The following HP1BP3 variants were observed in gnomAD, a reference collection of about 807,000 sequenced individuals.
HP1BP3 encodes heterochromatin protein 1 binding protein 3, also known as heterochromatin protein 1-binding protein 3.
A neutral mutation model predicts 62.5 loss-of-function variants in HP1BP3; 12 were observed. The observed-to-expected ratio is 0.19, with a 90% confidence interval of 0.12 to 0.31. HP1BP3 has a LOEUF of 0.31. HP1BP3 is among the 10% of genes least tolerant of loss of function. The pLI, the probability that HP1BP3 is intolerant of heterozygous loss-of-function variation, is 1.00. For missense variants in HP1BP3, 502 were observed against 651.8 expected, an observed-to-expected ratio of 0.77 and a Z score of 2.50; for synonymous variants, 260 against 237.8, an observed-to-expected ratio of 1.09 and a Z score of -0.86.
Position 20,744,963 on chromosome 1 carries a change from G to A in HP1BP3, c.1496C>T (p.Pro499Leu), listed in dbSNP as rs142759538. Reference protein sequence around the residue: ...GKARPLPKKAPPKAKTPAKKT... With the variant: ...GKARPLPKKALPKAKTPAKKT... ...CTTGGCAGGCGTTTTGGCCTTAGGA[G>A]GTGCTTTCTTAGGCAAGGGCCTAGC... Residue 499 changes from proline (P) to leucine (L), a missense_variant, in exon 13 of 13, where the codon CCT becomes CTT. By Grantham distance (98) the Pro-to-Leu change is moderately conservative. Transcript: ENST00000438032. 8.1e-6 allele frequency: 13 copies of A among 1,614,048 alleles called. No homozygotes were observed. Among genetic ancestry groups the A allele is most frequent in the East Asian group, 4.5e-5 (2 of 44,888 alleles).
chr1:20,748,360 T>C (rs1004073499), intron 10 of HP1BP3, among the ~76,000 whole-genome samples: 5 of 152,222 alleles, frequency 3.3e-5, no homozygotes, highest in Admixed American at 2.6e-4. Flanking sequence ...CCAAAATATA[T>C]TTTATGGTGA....
At chr1:20,772,533 G>C (rs1451007895) in intron 5 of HP1BP3, among the ~76,000 whole-genome samples, 4 of 152,210 alleles carry the variant, frequency 2.6e-5, no homozygotes, top group Non-Finnish European at 5.9e-5. Flanking sequence ...AGTCTTGAAG[G>C]AGTAAAGGGA....
At chr1:20,783,303 G>A (rs2057657833) in intron 1 of HP1BP3, among the ~76,000 whole-genome samples, 1 of 151,914 alleles carries the variant, frequency 6.6e-6, no homozygotes, top group Non-Finnish European at 1.5e-5. Flanking sequence ...GGGATCACCT[G>A]AGGTCAGGAG....
chr1:20,758,396 A>T (rs1027520730), intron 8 of HP1BP3, among the ~76,000 whole-genome samples: 7 of 151,762 alleles, frequency 4.6e-5, no homozygotes, highest in African/African-American at 1.7e-4. Context: ...CCCAGGCTGG[A>T]GTGCAGTGGC....
rs549397937 is a variant in HP1BP3 at position 20,783,061 on chromosome 1, A to G, written c.-100-2521T>C. ...CAGGAGTTCCAGGCTACAGTGAGCT[A>G]GAATTGCACCACGGCACTCCAGTCT... On this transcript the variant is annotated intron_variant, in intron 1 of 12. Coordinates refer to ENST00000438032, the MANE Select transcript of HP1BP3 (RefSeq NM_001372052.1). Among the ~76,000 whole-genome samples, 6 of 152,178 alleles carry G rather than the reference A, an allele frequency of 3.9e-5. No individual in the cohort carries two copies. In the South Asian group the frequency reaches 1.2e-3, roughly 32 times the overall value.
intron 3 of HP1BP3, 46 bp from the exon 4 acceptor site, chr1:20,776,796 T>C: frequency 6.6e-7 from 1 of 1,522,436 alleles, no homozygotes; most frequent in Non-Finnish European, 8.9e-7. Flanking sequence ...TGTATTCCAA[T>C]CTGAGTCAAT....
Position 20,747,652 on chromosome 1 carries a change from T to C in HP1BP3, c.1145A>G (p.His382Arg). 1.2e-6 allele frequency: 2 copies of C among 1,604,550 alleles called. No individual in the cohort carries two copies. ...TTTCTGCAGGGTTTTTTTCAGCAAA[T>C]GCACTGAAAAAAAAAATTCAGAAAT... is the stretch of plus-strand genomic sequence containing the variant. Reference protein sequence around the residue: ...HPGTNSNYQMHLLKKTLQKCE... With the variant: ...HPGTNSNYQMRLLKKTLQKCE... The change falls in exon 11 of 13, where the codon CAT (histidine) becomes CGT (arginine). Residue 382 changes from histidine (H) to arginine (R), a missense_variant. Coordinates refer to ENST00000438032, the MANE Select transcript of HP1BP3 (RefSeq NM_001372052.1).
chr1:20,782,031 GT>G (rs2057576903), intron 1 of HP1BP3, among the ~76,000 whole-genome samples: 1 of 152,294 alleles, frequency 6.6e-6, no homozygotes, highest in East Asian at 1.9e-4. Context: ...CCTTAGTAAA[GT>G]TATATTGCTA....
intron 1 of HP1BP3, among the ~76,000 whole-genome samples, chr1:20,785,623 A>C (rs1038815770): frequency 6.6e-6 from 1 of 152,200 alleles, no homozygotes; most frequent in Admixed American, 6.5e-5. Flanking sequence ...AGGACACTAC[A>C]GTGTCTCATC....
chr1:20,767,441 AATT>A, intron 7 of HP1BP3, 140 bp downstream of exon 7: 1 of 708,472 alleles, frequency 1.4e-6, no homozygotes, highest in Non-Finnish European at 2.5e-6. Context: ...TAGAGGAACA[AATT>A]ATTTATAACT....
In HP1BP3 at chr1:20,743,639, C is replaced by CGA. The variant is rs1434624666; in HGVS notation, c.*1156_*1157dup. ...TCACACCACTGCACTCCACACTGGG[C>CGA]GACAGAGCGAGACTCTGTCTCAAAA... On this transcript the variant is annotated 3_prime_UTR_variant, in exon 13 of 13. Transcript: ENST00000438032. The CGA allele has an allele frequency of 6.6e-6, 1 of 151,336 alleles. No individual in the cohort carries two copies. The highest frequency in any genetic ancestry group is 2.4e-5 in the African/African-American group (1 of 41,120). The allele number at this position is 151,336 out of a possible 1,614,324, so 9.4% of individuals were successfully genotyped here.
intron 6 of HP1BP3, among the ~76,000 whole-genome samples, chr1:20,767,884 C>G (rs1437526222): frequency 6.6e-6 from 1 of 152,136 alleles, no homozygotes; most frequent in African/African-American, 2.4e-5. Context: ...AGTTAACCCT[C>G]TGAGCTTTTG....
At chr1:20,752,184 C>G (rs890944101) in intron 9 of HP1BP3, among the ~76,000 whole-genome samples, 1 of 151,944 alleles carries the variant, frequency 6.6e-6, no homozygotes, top group Non-Finnish European at 1.5e-5. Context: ...ATCGCTTGAA[C>G]CCGGGAGGTG....
intron 2 of HP1BP3, 93 bp downstream of exon 2, chr1:20,780,251 AG>A: frequency 1.1e-6 from 1 of 875,144 alleles, no homozygotes. Flanking sequence ...GACTCCCCAA[AG>A]TAAGGGAAGG....
In HP1BP3 at chr1:20,765,498, C is replaced by A; in HGVS notation, c.769G>T (p.Val257Leu). The A allele has an allele frequency of 1.9e-6, 3 of 1,613,716 alleles. No homozygotes were observed. Among genetic ancestry groups the A allele is most frequent in the South Asian group, 2.2e-5 (2 of 91,046 alleles). Residue 257 changes from valine (V) to leucine (L), a missense_variant, in exon 8 of 13, where the codon GTA (valine) becomes TTA (leucine). Coordinates refer to ENST00000438032, the MANE Select transcript of HP1BP3 (RefSeq NM_001372052.1). ...RSSAVDPEPQVKLEDVLPLAF... is the reference protein window; with the variant it reads ...RSSAVDPEPQLKLEDVLPLAF... ...AGTGGGAGGACATCCTCCAATTTTA[C>A]TTGTGGTTCTGGATCCACTGCAGAG... is the stretch of plus-strand genomic sequence containing the variant.
chr1:20,766,294 A>AAC (rs961973379), intron 7 of HP1BP3, among the ~76,000 whole-genome samples: 1 of 152,194 alleles, frequency 6.6e-6, no homozygotes, highest in African/African-American at 2.4e-5. Flanking sequence ...TCCGTCTCAA[A>AAC]ACACACACAC....
In HP1BP3 at chr1:20,740,496, C is replaced by A. The variant is rs1024220663; in HGVS notation, c.*4301G>T. Reference sequence around the variant, plus strand: ...AAGTTTTCCAACAGGAAAAAAGCCACTGAAGTTAACAGTCTTGTGGAAAAG... The same window carrying A: ...AAGTTTTCCAACAGGAAAAAAGCCAATGAAGTTAACAGTCTTGTGGAAAAG... On this transcript the variant is annotated 3_prime_UTR_variant, in exon 13 of 13. Transcript: ENST00000438032. Among the ~76,000 whole-genome samples the A allele has an allele frequency of 6.6e-6, 1 of 152,190 alleles. No individual in the cohort carries two copies. Among genetic ancestry groups the A allele is most frequent in the Non-Finnish European group, 1.5e-5 (1 of 68,042 alleles).
chr1:20,747,163 T>C (rs2055391595), intron 11 of HP1BP3, among the ~76,000 whole-genome samples: 1 of 152,184 alleles, frequency 6.6e-6, no homozygotes, highest in Non-Finnish European at 1.5e-5. Flanking sequence ...TACAAAACCT[T>C]TTACTCCAAA....
chr1:20,744,744 C>T lies in HP1BP3; in HGVS notation c.*53G>A. On this transcript the variant is annotated 3_prime_UTR_variant, in exon 13 of 13. Transcript: ENST00000438032. ...CAAAACTAAACAAATGCACACTGACCTTAGAAAATAAGATTTTGAATTTCA... is the reference window on the plus strand; with the variant it reads ...CAAAACTAAACAAATGCACACTGACTTTAGAAAATAAGATTTTGAATTTCA... The T allele has an allele frequency of 6.8e-7, 1 of 1,477,674 alleles. No homozygotes were observed. The highest frequency in any genetic ancestry group is 9.2e-7 in the Non-Finnish European group (1 of 1,090,190). The allele number at this position is 1,477,674 out of a possible 1,614,324, so 91.5% of individuals were successfully genotyped here.
Sources: allele counts gnomAD v4.1 joint callset (sites outside exome capture counted in the v4.1 genomes callset), GRCh38; gene constraint gnomAD v4.1.1; transcripts MANE v1.5; gene names NCBI Gene and HGNC (gene_info 2026-07-23, HGNC 2026-07-21).